The following PKD2L2 variants were observed in gnomAD, a reference collection of about 807,000 sequenced individuals.
PKD2L2 encodes polycystin 2 like 2, transient receptor potential cation channel, also known as polycystin-2-like protein 2.
A neutral mutation model predicts 83.9 loss-of-function variants in PKD2L2; 67 were observed. The ratio of observed to expected loss-of-function variants is 0.80; its 90% CI spans 0.66 to 0.98. PKD2L2 has a LOEUF of 0.98. PKD2L2 is among the 50% of genes least tolerant of loss of function. The pLI is 0.00. For missense variants in PKD2L2, 632 were observed against 717.2 expected (o/e 0.88, Z 1.36); for synonymous variants, 223 against 237.8 (o/e 0.94, Z 0.57).
rs371502692 is a variant in PKD2L2, at chr5:137,929,559, A to AC, written c.1671+3631dup. 2.7e-5 allele frequency among the ~76,000 whole-genome samples: 4 copies of AC among 147,858 alleles called. No homozygotes were observed. In the East Asian group the frequency reaches 7.8e-4, roughly 29 times the overall value. On this transcript the variant is annotated intron_variant, in intron 12 of 14. Transcript: ENST00000508883. ...CAAAAAAAAAAAAAAAAAAAAAAAA[A>AC]CAGACCACACGGTAAAAGACTTAAA...
intron 1 of PKD2L2, among the ~76,000 whole-genome samples, 176 bp downstream of exon 1, chr5:137,889,698 G>A (rs116292864): frequency 0.017 from 2,593 of 152,356 alleles, 34 homozygotes; most frequent in Middle Eastern, 0.054. Context: ...GCACAGACGG[G>A]AAAACTGAAG....
intron 8 of PKD2L2, among the ~76,000 whole-genome samples, chr5:137,917,162 CTT>C (rs34636933): frequency 0.01 from 1,313 of 127,154 alleles, 9 homozygotes; most frequent in Non-Finnish European, 0.016. Context: ...GTTCACTTTT[CTT>C]TTTTTTTTTT....
intron 2 of PKD2L2, among the ~76,000 whole-genome samples, chr5:137,892,262 T>C (rs1367185731): frequency 2.0e-5 from 3 of 152,246 alleles, no homozygotes; most frequent in Non-Finnish European, 2.9e-5. Context: ...TTTATAAATG[T>C]GTATGCATAA....
intron 9 of PKD2L2, 33 bp downstream of exon 9, chr5:137,921,789 CT>C: frequency 6.7e-7 from 1 of 1,484,214 alleles, no homozygotes; most frequent in Non-Finnish European, 9.2e-7. Context: ...TCATTTCTTA[CT>C]TTTTAGAATA....
intron 8 of PKD2L2, among the ~76,000 whole-genome samples, chr5:137,920,735 C>T (rs1040628267): frequency 1.4e-5 from 2 of 144,370 alleles, no homozygotes; most frequent in East Asian, 2.1e-4. Context: ...CCAGCCTGGG[C>T]GACAAGAGCG....
rs373884287 is a variant in PKD2L2, at chr5:137,935,900, A to G, written c.1775A>G (p.Glu592Gly). 1 of 1,537,048 alleles carries G rather than the reference A, an allele frequency of 6.5e-7. No individual in the cohort carries two copies. The stretch of plus-strand genomic sequence containing the variant: ...GACTACCAGCCTGTCACTCAAGAAG[A>G]ATTTCGAGAGTAAGCTTATGTTCTA... ...QDDYQPVTQE[E>G]FRELFLYAVE... The change falls in exon 13 of 15, where the codon GAA becomes GGA. Residue 592 changes from glutamate to glycine, a missense_variant. By Grantham distance (98) the Glu-to-Gly change is moderately conservative. Coordinates refer to ENST00000508883, the MANE Select transcript of PKD2L2 (RefSeq NM_001300921.2).
intron 8 of PKD2L2, 40 bp from the exon 9 acceptor site, chr5:137,921,596 C>T (rs764308508): frequency 7.7e-7 from 1 of 1,305,870 alleles, no homozygotes; most frequent in Non-Finnish European, 1.1e-6. Flanking sequence ...CATGTATGTA[C>T]ATAAAGGTAT....
intron 8 of PKD2L2, among the ~76,000 whole-genome samples, chr5:137,920,777 AAG>A (rs1279536729): frequency 6.6e-6 from 1 of 151,972 alleles, no homozygotes; most frequent in African/African-American, 2.4e-5. Context: ...AAAAATCACA[AAG>A]AGGGTAAAAT....
Position 137,941,328 on chromosome 5 carries a change from C to T in PKD2L2, c.*18-1056C>T, listed in dbSNP as rs192496483. 3.3e-5 allele frequency among the ~76,000 whole-genome samples: 5 copies of T among 152,022 alleles called. No individual in the cohort carries two copies. In the East Asian group the frequency reaches 9.6e-4, roughly 29 times the overall value. On this transcript the variant is annotated intron_variant, in intron 14 of 14. Transcript: ENST00000508883. ...TTAGCTATCAGCTTGGTAAGATAAC[C>T]CAGCTACTTAGAAAAATGTTTCTCA...
intron 12 of PKD2L2, among the ~76,000 whole-genome samples, chr5:137,926,398 G>A (rs987262498): frequency 1.3e-5 from 2 of 151,628 alleles, no homozygotes; most frequent in Non-Finnish European, 2.9e-5. Flanking sequence ...CTCTACTTCT[G>A]GTCACCACCT....
At chr5:137,940,166 C>T (rs370070551) in intron 14 of PKD2L2, 71 of 1,613,058 alleles carry the variant, frequency 4.4e-5, no homozygotes, top group East Asian at 6.7e-5. Flanking sequence ...CAAGTACACA[C>T]GATGATAGCT....
chr5:137,924,913 ACCT>A lies in PKD2L2; in HGVS notation c.1552-124_1552-122del, dbSNP rs1190929344. The A allele has an allele frequency of 4.7e-6, 3 of 641,998 alleles. No homozygotes were observed. In the African/African-American group the frequency reaches 5.5e-5, roughly 12 times the overall value. 39.8% of individuals were successfully genotyped at this position (641,998 alleles called of 1,614,324 possible). A position where few individuals can be genotyped will look rare whatever the true frequency, so the allele number is the denominator to read the frequency against. ...TGAAAGAAGGATAATCATAGCATTT[ACCT>A]CCACAGTCCTTTAGGGTAGCAATCC... On this transcript the variant is annotated intron_variant, in intron 10 of 14. Coordinates refer to ENST00000508883, the MANE Select transcript of PKD2L2 (RefSeq NM_001300921.2).
Position 137,925,056 on chromosome 5 carries a change from T to G in PKD2L2, c.1568T>G (p.Leu523Arg). The change falls in exon 11 of 15, where the codon CTC becomes CGC. Residue 523 changes from leucine (L) to arginine (R), a missense_variant. Leu to Arg is a moderately radical substitution (Grantham distance 102, BLOSUM62 -2). Coordinates refer to ENST00000508883, the MANE Select transcript of PKD2L2 (RefSeq NM_001300921.2). ...KMIKQSYKNV[L>R]EKFRLKKAQK... ...TATGCCCAGAGTTACAAAAATGTTC[T>G]CGAGAAATTCAGACTGAAGAAAGCT... The G allele has an allele frequency of 6.3e-7, 1 of 1,598,592 alleles. No homozygotes were observed. The highest frequency in any genetic ancestry group is 8.6e-7 in the Non-Finnish European group (1 of 1,166,170).
chr5:137,909,477 AC>A (rs1458962608), intron 8 of PKD2L2, among the ~76,000 whole-genome samples: 1 of 149,942 alleles, frequency 6.7e-6, no homozygotes, highest in Non-Finnish European at 1.5e-5. Flanking sequence ...TGATAATTTT[AC>A]CTAAGATAAT....
intron 6 of PKD2L2, among the ~76,000 whole-genome samples, chr5:137,906,684 G>A (rs944558208): frequency 4.6e-5 from 7 of 152,100 alleles, no homozygotes; most frequent in Non-Finnish European, 8.8e-5. Flanking sequence ...GAAATATTAC[G>A]CTTTAATGTG....
At chr5:137,894,738 A>G in intron 4 of PKD2L2, 129 bp downstream of exon 4, 2 of 682,944 alleles carry the variant, frequency 2.9e-6, no homozygotes, top group Non-Finnish European at 4.9e-6. Flanking sequence ...ATAGTAAAAA[A>G]GGAAGATGTG....
At chr5:137,895,546 A>G (rs981341380) in intron 4 of PKD2L2, among the ~76,000 whole-genome samples, 20 of 151,198 alleles carry the variant, frequency 1.3e-4, no homozygotes, top group Non-Finnish European at 5.9e-5. Flanking sequence ...TCTCCTTGAC[A>G]CAGAAGCTGC....
rs139552688 is a variant in PKD2L2 at position 137,926,263 on chromosome 5, C to A, written c.1671+334C>A. ...TCACTAATGTGATGAATTACTTTAA[C>A]AATTTTGTATTTCAAAAATTGTAAT... On this transcript the variant is annotated intron_variant, in intron 12 of 14. Transcript: ENST00000508883. 1.6e-3 allele frequency among the ~76,000 whole-genome samples: 236 copies of A among 152,134 alleles called. 1 individual carries two copies. The highest frequency in any genetic ancestry group is 5.4e-3 in the African/African-American group (222 of 41,494).
At position 137,921,493 on chromosome 5, in the gene PKD2L2, C is replaced by G. The variant is rs151252843; in HGVS notation, c.1329-143C>G. 2.4e-3 allele frequency: 1,285 copies of G among 542,308 alleles called. 4 individuals are homozygous for G. Among genetic ancestry groups the G allele is most frequent in the Middle Eastern group, 0.013 (26 of 2,064 alleles). 33.6% of individuals were successfully genotyped at this position (542,308 alleles called of 1,614,324 possible). A position where few individuals can be genotyped will look rare whatever the true frequency, so the allele number is the denominator to read the frequency against. On this transcript the variant is annotated intron_variant, in intron 8 of 14. Coordinates refer to ENST00000508883, the MANE Select transcript of PKD2L2 (RefSeq NM_001300921.2). ...GGGGAATTTTCTACATCCAATTTTACACAACTCTGTACTAACATAATTAAA... is the reference window on the plus strand; with the variant it reads ...GGGGAATTTTCTACATCCAATTTTAGACAACTCTGTACTAACATAATTAAA...
Sources: gnomAD v4.1 joint callset for allele counts (sites outside exome capture counted in the v4.1 genomes callset) on GRCh38, gnomAD v4.1.1 for gene constraint, MANE v1.5 for transcripts, NCBI Gene and HGNC (gene_info 2026-07-23, HGNC 2026-07-21) for gene names.